SPTBN1: variants seen among roughly 807,000 people sequenced by gnomAD.
The protein encoded by SPTBN1 is spectrin beta chain, non-erythrocytic 1.
In SPTBN1, 32 loss-of-function variants were observed where a neutral mutation model predicts 266.4. The observed-to-expected ratio is 0.12, with a 90% CI of 0.09 to 0.16. The LOEUF is 0.16. SPTBN1 is among the 10% of genes least tolerant of loss of function. SPTBN1 has a pLI of 1.00. For missense variants in SPTBN1, 2,296 were observed against 3,067.1 expected (o/e 0.75, Z 5.94); for synonymous variants, 1,336 against 1,162.2 (o/e 1.15, Z -3.04).
In SPTBN1 at chr2:54,554,236, G is replaced by A. The variant is rs932344873; in HGVS notation, c.148+27670G>A. ...CTCTGAGCATATGGGAGAAACAGCA[G>A]AGGTGGGGAGATGGGGAGCACGCTG... On this transcript the variant is annotated intron_variant, in intron 2 of 35. Transcript: ENST00000356805. The surrounding 1 kb of genome is among the most constrained non-coding windows in gnomAD (Gnocchi z 4.5). Among the ~76,000 whole-genome samples, 5 of 152,228 alleles carry A rather than the reference G, an allele frequency of 3.3e-5. No individual in the cohort carries two copies. The highest frequency in any genetic ancestry group is 9.7e-5 in the African/African-American group (4 of 41,448).
chr2:54,525,000 C>A (rs886230469), intron 1 of SPTBN1, among the ~76,000 whole-genome samples: 1 of 152,076 alleles, frequency 6.6e-6, no homozygotes, highest in Non-Finnish European at 1.5e-5. Context: ...TTTTGTCCAG[C>A]TCCTACCACT....
intron 32 of SPTBN1, chr2:54,660,820 TCTCG>T: frequency 1.0e-6 from 1 of 985,448 alleles, no homozygotes; most frequent in Non-Finnish European, 1.2e-6. Flanking sequence ...GCCACCTCTG[TCTCG>T]CTCCCTGTCA....
intron 2 of SPTBN1, among the ~76,000 whole-genome samples, chr2:54,530,704 T>C (rs1399043588): frequency 6.6e-6 from 1 of 152,178 alleles, no homozygotes; most frequent in Non-Finnish European, 1.5e-5. Context: ...CTTCATCTTA[T>C]TCACCCTCAG....
intron 27 of SPTBN1, among the ~76,000 whole-genome samples, chr2:54,654,137 A>G (rs1680493824): frequency 6.6e-6 from 1 of 152,152 alleles, no homozygotes; most frequent in African/African-American, 2.4e-5. Context: ...TCTTGCCCAC[A>G]TATGTGCTTG....
At chr2:54,659,094 C>T (rs964803261) in intron 30 of SPTBN1, 60 bp from the exon 31 acceptor site, 1 of 1,590,352 alleles carries the variant, frequency 6.3e-7, no homozygotes, top group Non-Finnish European at 8.6e-7. Context: ...TTCCTAGAAC[C>T]TTTTTCTGAA....
intron 2 of SPTBN1, among the ~76,000 whole-genome samples, chr2:54,572,670 C>T (rs1674170347): frequency 6.6e-6 from 1 of 152,186 alleles, no homozygotes; most frequent in Non-Finnish European, 1.5e-5. Flanking sequence ...TGTTTTTCCT[C>T]TACAAATATA....
At chr2:54,587,045 A>C (rs1393424343) in intron 2 of SPTBN1, among the ~76,000 whole-genome samples, 1 of 152,142 alleles carries the variant, frequency 6.6e-6, no homozygotes, top group Non-Finnish European at 1.5e-5. Flanking sequence ...ATGTTATTTG[A>C]TTTTTTAATA....
intron 1 of SPTBN1, among the ~76,000 whole-genome samples, chr2:54,488,163 C>T (rs7559367): frequency 0.028 from 4,295 of 152,116 alleles, 182 homozygotes; most frequent in African/African-American, 0.095. Context: ...TTTCTAGTCA[C>T]TAGGTCCAGG....
chr2:54,668,675 G>A lies in SPTBN1; in HGVS notation c.*106G>A, dbSNP rs1681547633. The A allele has an allele frequency of 2.9e-6, 3 of 1,020,846 alleles. No homozygotes were observed. The South Asian group carries it at 5.4e-5, about 18-fold the overall frequency. 63.2% of individuals were successfully genotyped at this position (1,020,846 alleles called of 1,614,324 possible). A position where few individuals can be genotyped will look rare whatever the true frequency, so the allele number is the denominator to read the frequency against. On this transcript the variant is annotated 3_prime_UTR_variant, in exon 36 of 36. Transcript: ENST00000356805. ...CTCTGTGCCTAATGTTCCTCAATGT[G>A]GTTGATTTTTTTTTTTTTTTAATTT...
intron 2 of SPTBN1, among the ~76,000 whole-genome samples, chr2:54,578,164 C>A (rs916689861): frequency 6.6e-6 from 1 of 152,146 alleles, no homozygotes; most frequent in Non-Finnish European, 1.5e-5. Flanking sequence ...TGTACTGGCA[C>A]TGAAGTAGAA....
intron 2 of SPTBN1, among the ~76,000 whole-genome samples, chr2:54,550,630 A>T (rs1391189387): frequency 6.6e-6 from 1 of 152,244 alleles, no homozygotes; most frequent in Non-Finnish European, 1.5e-5. Context: ...TCCTGCTCTG[A>T]TATTTTCTCA....
chr2:54,649,221 T>A lies in SPTBN1; in HGVS notation c.5202+31T>A. 1 of 1,571,792 alleles carries A rather than the reference T, an allele frequency of 6.4e-7. No homozygotes were observed. The highest frequency in any genetic ancestry group is 8.7e-7 in the Non-Finnish European group (1 of 1,151,958). On this transcript the variant is annotated intron_variant, in intron 25 of 35. Coordinates refer to ENST00000356805, the MANE Select transcript of SPTBN1 (RefSeq NM_003128.3). The surrounding 1 kb of genome is among the most constrained non-coding windows in gnomAD (Gnocchi z 6.7). The stretch of plus-strand genomic sequence containing the variant: ...TACTTGAGGCAGTGCATGAGTTGGT[T>A]GTGCAGTAAGCGATGGTGTGGAAGG...
chr2:54,462,387 G>T (rs908860892), intron 1 of SPTBN1, among the ~76,000 whole-genome samples: 4 of 152,202 alleles, frequency 2.6e-5, no homozygotes, highest in Non-Finnish European at 5.9e-5. Flanking sequence ...AGTCTGAAGA[G>T]ACCACTTACT....
At chr2:54,511,096 A>C (rs17045939) in intron 1 of SPTBN1, among the ~76,000 whole-genome samples, 21,377 of 152,124 alleles carry the variant, frequency 0.14, 1,584 homozygotes, top group Middle Eastern at 0.18. Context: ...AACATACTTA[A>C]CTTATGGCTG....
chr2:54,467,222 G>C (rs1693682090), intron 1 of SPTBN1, among the ~76,000 whole-genome samples: 1 of 151,902 alleles, frequency 6.6e-6, no homozygotes, highest in Non-Finnish European at 1.5e-5. Context: ...GTCTTGGGCT[G>C]GGATAGGGAT....
chr2:54,520,592 G>A (rs1670376798), intron 1 of SPTBN1: 2 of 152,130 alleles, frequency 1.3e-5, no homozygotes, highest in South Asian at 4.1e-4. Context: ...GTAATTTGAG[G>A]GGGAGGATCT....
Position 54,649,221 on chromosome 2 carries a change from T to C in SPTBN1, c.5202+31T>C, listed in dbSNP as rs761896982. 1 of 1,571,792 alleles carries C rather than the reference T, an allele frequency of 6.4e-7. No homozygotes were observed. Among genetic ancestry groups the C allele is most frequent in the South Asian group, 1.2e-5 (1 of 86,672 alleles). On this transcript the variant is annotated intron_variant, in intron 25 of 35. Coordinates refer to ENST00000356805, the MANE Select transcript of SPTBN1 (RefSeq NM_003128.3). This position sits in a 1 kb window ranked among gnomAD's most constrained non-coding sequence, Gnocchi z 6.7. The stretch of plus-strand genomic sequence containing the variant: ...TACTTGAGGCAGTGCATGAGTTGGT[T>C]GTGCAGTAAGCGATGGTGTGGAAGG...
At chr2:54,616,088 T>G (rs555547168) in intron 4 of SPTBN1, 119 bp from the exon 5 acceptor site, 1 of 741,276 alleles carries the variant, frequency 1.3e-6, no homozygotes, top group Non-Finnish European at 2.1e-6. Context: ...GGGTAGATCG[T>G]CTGCAGGGCA....
In SPTBN1 at chr2:54,645,594, T is replaced by A; in HGVS notation, c.4494+141T>A. ...GCCAAAGTCCACGCTCTGGATGGTC[T>A]AAAGTTTCTTTCCCTTTTCACCCTA... On this transcript the variant is annotated intron_variant, in intron 21 of 35. Coordinates refer to ENST00000356805, the MANE Select transcript of SPTBN1 (RefSeq NM_003128.3). The surrounding 1 kb of genome is among the most constrained non-coding windows in gnomAD (Gnocchi z 4.3). 1.2e-6 allele frequency: 1 copy of A among 835,590 alleles called. No homozygotes were observed. Among genetic ancestry groups the A allele is most frequent in the Non-Finnish European group, 1.8e-6 (1 of 542,312 alleles). 51.8% of individuals were successfully genotyped at this position (835,590 alleles called of 1,614,324 possible).
Sources: gnomAD v4.1 joint callset for allele counts (sites outside exome capture counted in the v4.1 genomes callset) on GRCh38, gnomAD v4.1.1 for gene constraint, Gnocchi (gnomAD v3.1) non-coding constraint, MANE v1.5 for transcripts, NCBI Gene and HGNC (gene_info 2026-07-23, HGNC 2026-07-21) for gene names.